SUPT3H: variants seen among roughly 807,000 people sequenced by gnomAD.
The protein encoded by SUPT3H is transcription initiation protein SPT3 homolog.
A neutral mutation model predicts 44.3 loss-of-function variants in SUPT3H; 44 were observed. The ratio of observed to expected loss-of-function variants is 0.99; its 90% CI spans 0.78 to 1.28. The LOEUF is 1.28. Ranked by LOEUF, SUPT3H falls within the 50% of genes most tolerant of loss-of-function variation. SUPT3H has a pLI of 0.00. For synonymous variants in SUPT3H, 124 were observed against 125.6 expected, an observed-to-expected ratio of 0.99 and a Z score of 0.09; for missense variants, 380 against 387.1, an observed-to-expected ratio of 0.98 and a Z score of 0.15.
intron 2 of SUPT3H, among the ~76,000 whole-genome samples, chr6:45,178,349 C>T (rs1812414894): frequency 1.3e-5 from 2 of 152,102 alleles, no homozygotes. Context: ...GGGATCAATT[C>T]AACAAGAAGA....
chr6:45,331,715 T>A (rs1787553717), intron 2 of SUPT3H, among the ~76,000 whole-genome samples: 1 of 151,968 alleles, frequency 6.6e-6, no homozygotes, highest in African/African-American at 2.4e-5. Context: ...GAAAAAGATC[T>A]GGCTGGTCTG....
At chr6:45,182,310 G>A (rs888476500) in intron 2 of SUPT3H, among the ~76,000 whole-genome samples, 1 of 152,112 alleles carries the variant, frequency 6.6e-6, no homozygotes, top group East Asian at 1.9e-4. Context: ...CCCCAGGCTG[G>A]AGTGTAGTGG....
At chr6:45,349,958 C>T (rs549105239) in intron 2 of SUPT3H, among the ~76,000 whole-genome samples, 5 of 152,068 alleles carry the variant, frequency 3.3e-5, no homozygotes, top group Non-Finnish European at 5.9e-5. Context: ...TAAGCAATTA[C>T]TGTTTTCAAA....
intron 2 of SUPT3H, among the ~76,000 whole-genome samples, chr6:45,132,967 C>T (rs929447142): frequency 6.6e-6 from 1 of 152,180 alleles, no homozygotes; most frequent in African/African-American, 2.4e-5. Flanking sequence ...TCTGAGTACA[C>T]ATCCTGAACT....
intron 1 of SUPT3H, among the ~76,000 whole-genome samples, chr6:45,370,886 T>C (rs765898006): frequency 4.6e-5 from 7 of 152,132 alleles, no homozygotes; most frequent in Non-Finnish European, 1.0e-4. Context: ...TATGCTTTCA[T>C]ATCCAGTACT....
At chr6:44,966,315 TTTTA>T in intron 6 of SUPT3H, among the ~76,000 whole-genome samples, 1 of 152,076 alleles carries the variant, frequency 6.6e-6, no homozygotes, top group East Asian at 1.9e-4. Flanking sequence ...ACTGAGATGG[TTTTA>T]TTTTTAAAAT....
In SUPT3H at chr6:44,984,108, C is replaced by T. The variant is rs73737803; in HGVS notation, c.504+19545G>A. ...GTCTGCCTCCTCTTGCCTCCATCTCCGCAAGGTTGCCTAGAAGCCTCTATG... is the reference window on the plus strand; with the variant it reads ...GTCTGCCTCCTCTTGCCTCCATCTCTGCAAGGTTGCCTAGAAGCCTCTATG... On this transcript the variant is annotated intron_variant, in intron 6 of 10. Coordinates refer to ENST00000371459, the MANE Select transcript of SUPT3H (RefSeq NM_003599.4). 4.0e-3 allele frequency among the ~76,000 whole-genome samples: 602 copies of T among 152,196 alleles called. 6 individuals are homozygous for T. Among genetic ancestry groups the T allele is most frequent in the African/African-American group, 0.014 (564 of 41,508 alleles).
chr6:45,169,813 C>T (rs1220238366), intron 2 of SUPT3H, among the ~76,000 whole-genome samples: 4 of 152,150 alleles, frequency 2.6e-5, no homozygotes, highest in Non-Finnish European at 4.4e-5. Flanking sequence ...CCTATGATTT[C>T]AAGGACAATA....
At chr6:44,899,060 T>G (rs939817726) in intron 10 of SUPT3H, 1 of 152,234 alleles carries the variant, frequency 6.6e-6, no homozygotes, top group African/African-American at 2.4e-5. Flanking sequence ...GATCACCTTA[T>G]TAACTGCTGA....
intron 2 of SUPT3H, among the ~76,000 whole-genome samples, chr6:45,188,739 T>A (rs7760954): frequency 0.85 from 128,086 of 151,186 alleles, 54,423 homozygotes; most frequent in African/African-American, 0.89. Context: ...TTTCATGATT[T>A]AAAAAAAAAA....
At chr6:45,171,033 A>G (rs142428011) in intron 2 of SUPT3H, among the ~76,000 whole-genome samples, 56 of 152,332 alleles carry the variant, frequency 3.7e-4, no homozygotes, top group African/African-American at 1.3e-3. Context: ...TCTCTGAGAC[A>G]GTAACATTCC....
At chr6:45,017,247 C>T (rs1484120403) in intron 4 of SUPT3H, among the ~76,000 whole-genome samples, 3 of 148,858 alleles carry the variant, frequency 2.0e-5, no homozygotes, top group Middle Eastern at 3.4e-3. Context: ...GGATATTAGC[C>T]CTTTGTCAGA....
chr6:45,015,850 T>C (rs1352851527), intron 4 of SUPT3H, among the ~76,000 whole-genome samples: 1 of 151,734 alleles, frequency 6.6e-6, no homozygotes, highest in Non-Finnish European at 1.5e-5. Flanking sequence ...GGACCGTCAA[T>C]ATCACTGTCT....
At chr6:45,041,088 A>G (rs890069014) in intron 3 of SUPT3H, among the ~76,000 whole-genome samples, 3 of 152,146 alleles carry the variant, frequency 2.0e-5, no homozygotes, top group Non-Finnish European at 4.4e-5. Context: ...CACACTAAAC[A>G]CTGTGCTAGG....
intron 5 of SUPT3H, among the ~76,000 whole-genome samples, chr6:45,010,451 T>C (rs1783320879): frequency 6.6e-6 from 1 of 152,160 alleles, no homozygotes; most frequent in South Asian, 2.1e-4. Context: ...TACCATTAAC[T>C]ATGATGTTAG....
chr6:45,120,880 A>G lies in SUPT3H; in HGVS notation c.102-14874T>C, dbSNP rs79048694. The stretch of plus-strand genomic sequence containing the variant: ...GATAAAGTTCAGGAATAATTGTACT[A>G]AACAATGCAAAAATTTCCCAAGGCT... On this transcript the variant is annotated intron_variant, in intron 2 of 10. Coordinates refer to ENST00000371459, the MANE Select transcript of SUPT3H (RefSeq NM_003599.4). Among the ~76,000 whole-genome samples the G allele has an allele frequency of 8.6e-3, 1,315 of 152,336 alleles. 3 individuals carry two copies. The highest frequency in any genetic ancestry group is 0.014 in the Non-Finnish European group (973 of 68,028).
intron 2 of SUPT3H, among the ~76,000 whole-genome samples, chr6:45,263,770 T>C (rs769652357): frequency 1.3e-5 from 2 of 152,082 alleles, no homozygotes; most frequent in South Asian, 4.2e-4. Context: ...GAAACAAACA[T>C]AGTCCCTTCT....
intron 3 of SUPT3H, among the ~76,000 whole-genome samples, chr6:45,096,339 T>C (rs185628113): frequency 1.1e-4 from 17 of 152,318 alleles, no homozygotes; most frequent in African/African-American, 4.1e-4. Flanking sequence ...TGTTCTAATC[T>C]GTTCTTGAAA....
chr6:45,011,258 T>A (rs1477960570), intron 5 of SUPT3H, among the ~76,000 whole-genome samples: 1 of 152,092 alleles, frequency 6.6e-6, no homozygotes, highest in East Asian at 1.9e-4. Context: ...TAATTGGTAT[T>A]CTTCTTTAAA....
Sources: gnomAD v4.1 joint callset for allele counts (sites outside exome capture counted in the v4.1 genomes callset) on GRCh38, gnomAD v4.1.1 for gene constraint, MANE v1.5 for transcripts, NCBI Gene and HGNC (gene_info 2026-07-23, HGNC 2026-07-21) for gene names.